LRATD2: variants seen among roughly 807,000 people sequenced by gnomAD.
The protein encoded by LRATD2 is protein LRATD2.
Under a neutral mutation model 12.0 loss-of-function variants are expected in LRATD2, and 10 were observed. The ratio of observed to expected loss-of-function variants is 0.83; its 90% CI spans 0.51 to 1.41. The LOEUF (loss-of-function observed/expected upper bound fraction) is 1.41, where lower values mean the gene tolerates loss of function less well. Ranked by LOEUF, LRATD2 falls within the 40% of genes most tolerant of loss-of-function variation. The pLI is 0.00. For synonymous variants in LRATD2, 220 were observed against 205.8 expected (o/e 1.07, Z -0.59); for missense variants, 455 against 446.1 (o/e 1.02, Z -0.18).
Position 126,553,886 on chromosome 8 carries a change from T to C in LRATD2, c.*2571A>G, listed in dbSNP as rs1586529731. Reference sequence around the variant, plus strand: ...CACTGCTCTCTCTTAACACAGTCGCTGCTATACTTCAGCGTGACTGACCAT... The same window carrying C: ...CACTGCTCTCTCTTAACACAGTCGCCGCTATACTTCAGCGTGACTGACCAT... On this transcript the variant is annotated 3_prime_UTR_variant, in exon 2 of 2. Coordinates refer to ENST00000304916, the MANE Select transcript of LRATD2 (RefSeq NM_174911.5). The C allele has an allele frequency of 6.6e-6, 1 of 152,382 alleles. No homozygotes were observed. Among genetic ancestry groups the C allele is most frequent in the East Asian group, 1.9e-4 (1 of 5,184 alleles). The allele number at this position is 152,382 out of a possible 1,614,324, so 9.4% of individuals were successfully genotyped here. A position where few individuals can be genotyped will look rare whatever the true frequency, so the allele number is the denominator to read the frequency against.
In LRATD2 at chr8:126,556,849, C is replaced by T; in HGVS notation, c.541G>A (p.Val181Met). 1 of 1,606,156 alleles carries T rather than the reference C, an allele frequency of 6.2e-7. No individual in the cohort carries two copies. The highest frequency in any genetic ancestry group is 8.5e-7 in the Non-Finnish European group (1 of 1,179,268). ...YRYKPLSSSAVVRNALAHVGA... is the reference protein window; with the variant it reads ...YRYKPLSSSAMVRNALAHVGA... ...ACGTGCGCCAGCGCGTTGCGCACCA[C>T]GGCGCTGGAGCTTAGCGGCTTGTAG... The change falls in exon 2 of 2, where the codon GTG becomes ATG. Residue 181 changes from valine to methionine, a missense_variant. Val to Met is a conservative substitution (Grantham distance 21). Transcript: ENST00000304916. This position sits in a 1 kb window ranked among gnomAD's most constrained non-coding sequence, Gnocchi z 5.6.
chr8:126,557,086 C>T lies in LRATD2; in HGVS notation c.304G>A (p.Ala102Thr). 1.2e-6 allele frequency: 2 copies of T among 1,611,080 alleles called. No homozygotes were observed. The highest frequency in any genetic ancestry group is 1.7e-6 in the Non-Finnish European group (2 of 1,179,998). ...TCGGGCGTGTAGGTACTCAGCGCCG[C>T]CGAGCCCGGCGCGAAGCTCTTCTGG... Reference protein sequence around the residue: ...IYQKSFAPGSAALSTYTPENL... With the variant: ...IYQKSFAPGSTALSTYTPENL... The change falls in exon 2 of 2, where the codon GCG (alanine) becomes ACG (threonine). Residue 102 changes from alanine to threonine, a missense_variant. Ala to Thr is a moderately conservative substitution (Grantham distance 58). Coordinates refer to ENST00000304916, the MANE Select transcript of LRATD2 (RefSeq NM_174911.5). The surrounding 1 kb of genome is among the most constrained non-coding windows in gnomAD (Gnocchi z 5.3).
In LRATD2 at chr8:126,558,348, C is replaced by A. The variant is rs1277441192; in HGVS notation, c.-411G>T. 2 of 152,238 alleles carry A rather than the reference C, an allele frequency of 1.3e-5. No homozygotes were observed. The highest frequency in any genetic ancestry group is 1.3e-4 in the Admixed American group (2 of 15,284). The allele number at this position is 152,238 out of a possible 1,614,324, so 9.4% of individuals were successfully genotyped here. ...CGCGAGGAGGAGAGGACGGCAGCCTCGCAGCCTGGCGGCAACAGCTCCCGC... is the reference window on the plus strand; with the variant it reads ...CGCGAGGAGGAGAGGACGGCAGCCTAGCAGCCTGGCGGCAACAGCTCCCGC... On this transcript the variant is annotated 5_prime_UTR_variant, in exon 1 of 2. Coordinates refer to ENST00000304916, the MANE Select transcript of LRATD2 (RefSeq NM_174911.5).
In LRATD2 at chr8:126,554,277, G is replaced by C. The variant is rs535508580; in HGVS notation, c.*2180C>G. The C allele has an allele frequency of 3.9e-5, 6 of 152,442 alleles. No individual in the cohort carries two copies. In the East Asian group the frequency reaches 1.2e-3, roughly 29 times the overall value. The allele number at this position is 152,442 out of a possible 1,614,324, so 9.4% of individuals were successfully genotyped here. A position where few individuals can be genotyped will look rare whatever the true frequency, so the allele number is the denominator to read the frequency against. On this transcript the variant is annotated 3_prime_UTR_variant, in exon 2 of 2. Transcript: ENST00000304916. ...CTGCCTCAGCCTCCCAAAGTGCTGG[G>C]ATTACAGGCATGAGCCACTGTGCCC...
At position 126,555,597 on chromosome 8, in the gene LRATD2, C is replaced by A. The variant is rs750759906; in HGVS notation, c.*860G>T. ...AAAGGGCTATTCCCTCCTTTCATAA[C>A]AACGCAGCTGTAAGTGCCTACAACA... is the stretch of plus-strand genomic sequence containing the variant. On this transcript the variant is annotated 3_prime_UTR_variant, in exon 2 of 2. Coordinates refer to ENST00000304916, the MANE Select transcript of LRATD2 (RefSeq NM_174911.5). The A allele has an allele frequency of 6.5e-6, 1 of 152,690 alleles. No individual in the cohort carries two copies. Among genetic ancestry groups the A allele is most frequent in the Non-Finnish European group, 1.5e-5 (1 of 68,088 alleles). 9.5% of individuals were successfully genotyped at this position (152,690 alleles called of 1,614,324 possible).
Position 126,552,833 on chromosome 8 carries a change from T to G in LRATD2, c.*3624A>C, listed in dbSNP as rs1293700256. ...TAGTTACTCTGATTTAAAAAACATTTCACAAATAAGATGTAGCTTTCCAAA... is the reference window on the plus strand; with the variant it reads ...TAGTTACTCTGATTTAAAAAACATTGCACAAATAAGATGTAGCTTTCCAAA... On this transcript the variant is annotated 3_prime_UTR_variant, in exon 2 of 2. Transcript: ENST00000304916. The G allele has an allele frequency of 6.6e-6, 1 of 152,606 alleles. No homozygotes were observed. The highest frequency in any genetic ancestry group is 1.5e-5 in the Non-Finnish European group (1 of 68,028). The allele number at this position is 152,606 out of a possible 1,614,324, so 9.5% of individuals were successfully genotyped here. A position where few individuals can be genotyped will look rare whatever the true frequency, so the allele number is the denominator to read the frequency against.
chr8:126,553,165 A>G lies in LRATD2; in HGVS notation c.*3292T>C, dbSNP rs1031436711. The G allele has an allele frequency of 2.6e-5, 4 of 152,268 alleles. No individual in the cohort carries two copies. The highest frequency in any genetic ancestry group is 9.6e-5 in the African/African-American group (4 of 41,462). The allele number at this position is 152,268 out of a possible 1,614,324, so 9.4% of individuals were successfully genotyped here. A position where few individuals can be genotyped will look rare whatever the true frequency, so the allele number is the denominator to read the frequency against. ...GACTTGTCATTTTTCATAAAAACTA[A>G]ACATTTCCTTATAGGTCTGGAGTAA... On this transcript the variant is annotated 3_prime_UTR_variant, in exon 2 of 2. Transcript: ENST00000304916.
chr8:126,553,754 A>G lies in LRATD2; in HGVS notation c.*2703T>C, dbSNP rs1563637660. On this transcript the variant is annotated 3_prime_UTR_variant, in exon 2 of 2. Coordinates refer to ENST00000304916, the MANE Select transcript of LRATD2 (RefSeq NM_174911.5). ...ATATTTCACACCTCTGGTACCCTGT[A>G]GAAACGCTTGTATTACATGGGAAAG... 1 of 152,232 alleles carries G rather than the reference A, an allele frequency of 6.6e-6. No individual in the cohort carries two copies. Among genetic ancestry groups the G allele is most frequent in the Non-Finnish European group, 1.5e-5 (1 of 68,040 alleles). 9.4% of individuals were successfully genotyped at this position (152,232 alleles called of 1,614,324 possible). A position where few individuals can be genotyped will look rare whatever the true frequency, so the allele number is the denominator to read the frequency against.
rs1817326151 is a variant in LRATD2, at chr8:126,553,640, T to C, written c.*2817A>G. The C allele has an allele frequency of 6.6e-6, 1 of 152,484 alleles. No homozygotes were observed. Among genetic ancestry groups the C allele is most frequent in the Non-Finnish European group, 1.5e-5 (1 of 68,052 alleles). 9.4% of individuals were successfully genotyped at this position (152,484 alleles called of 1,614,324 possible). On this transcript the variant is annotated 3_prime_UTR_variant, in exon 2 of 2. Coordinates refer to ENST00000304916, the MANE Select transcript of LRATD2 (RefSeq NM_174911.5). The stretch of plus-strand genomic sequence containing the variant: ...AGAACCAAGAGTTGATTCATTCCCC[T>C]TTCCTGGAGCTGTTACTAGTTGGTT...
chr8:126,556,562 C>T lies in LRATD2; in HGVS notation c.828G>A (p.Ala276=), dbSNP rs567614477. 2.5e-5 allele frequency: 40 copies of T among 1,607,792 alleles called. No homozygotes were observed. In the East Asian group the frequency reaches 3.6e-4, roughly 14 times the overall value. ...LQELATHLHP[A]EPEEGDSNVA... is the part of the protein sequence containing the mutation. Reference sequence around the variant, plus strand: ...CGTTGCTGTCGCCCTCCTCCGGCTCCGCCGGGTGCAGGTGCGTGGCGAGCT... The same window carrying T: ...CGTTGCTGTCGCCCTCCTCCGGCTCTGCCGGGTGCAGGTGCGTGGCGAGCT... The change falls in exon 2 of 2, where the codon GCG becomes GCA. Residue 276 remains alanine, a synonymous_variant. Transcript: ENST00000304916. The surrounding 1 kb of genome is among the most constrained non-coding windows in gnomAD (Gnocchi z 5.6).
In LRATD2 at chr8:126,556,426, C is replaced by T. The variant is rs1252224861; in HGVS notation, c.*31G>A. 2.0e-6 allele frequency: 3 copies of T among 1,521,684 alleles called. No individual in the cohort carries two copies. The highest frequency in any genetic ancestry group is 1.8e-6 in the Non-Finnish European group (2 of 1,139,900). The allele number at this position is 1,521,684 out of a possible 1,614,324, so 94.3% of individuals were successfully genotyped here. On this transcript the variant is annotated 3_prime_UTR_variant, in exon 2 of 2. Transcript: ENST00000304916. The surrounding 1 kb of genome is among the most constrained non-coding windows in gnomAD (Gnocchi z 5.6). ...GCAGCGGCTGCTACTGCAAACAGTT[C>T]CCCTTCGCAGCTCTGCGCTCAGCTC...
rs2130492533 is a variant in LRATD2, at chr8:126,557,614, G to A, written c.-96-129C>T. On this transcript the variant is annotated intron_variant, in intron 1 of 1. Transcript: ENST00000304916. This position sits in a 1 kb window ranked among gnomAD's most constrained non-coding sequence, Gnocchi z 5.3. Reference sequence around the variant, plus strand: ...TAGGGGGAAGTCTCGGGTGTAGCGAGCTTTCCCTCGTTTCTCCACCTGTAA... The same window carrying A: ...TAGGGGGAAGTCTCGGGTGTAGCGAACTTTCCCTCGTTTCTCCACCTGTAA... 1.7e-6 allele frequency: 1 copy of A among 572,358 alleles called. No homozygotes were observed. Among genetic ancestry groups the A allele is most frequent in the East Asian group, 3.1e-5 (1 of 32,706 alleles). 35.5% of individuals were successfully genotyped at this position (572,358 alleles called of 1,614,324 possible).
chr8:126,556,838 G>A lies in LRATD2; in HGVS notation c.552C>T (p.Asn184=). 4.4e-6 allele frequency: 7 copies of A among 1,605,002 alleles called. No homozygotes were observed. The highest frequency in any genetic ancestry group is 1.7e-4 in the Middle Eastern group (1 of 6,054). ...CCTTGGCACCCACGTGCGCCAGCGC[G>A]TTGCGCACCACGGCGCTGGAGCTTA... ...KPLSSSAVVR[N]ALAHVGAKER... Residue 184 remains asparagine, a synonymous_variant, in exon 2 of 2, where the codon AAC becomes AAT. Coordinates refer to ENST00000304916, the MANE Select transcript of LRATD2 (RefSeq NM_174911.5). This position sits in a 1 kb window ranked among gnomAD's most constrained non-coding sequence, Gnocchi z 5.6.
rs778047941 is a variant in LRATD2, at chr8:126,553,067, G to A, written c.*3390C>T. On this transcript the variant is annotated 3_prime_UTR_variant, in exon 2 of 2. Coordinates refer to ENST00000304916, the MANE Select transcript of LRATD2 (RefSeq NM_174911.5). ...ATTAAAGTTTTGCTTCCAAAAATAT[G>A]TTTCCATGTGGTCGTGGTGTTGTCC... 6.6e-6 allele frequency: 1 copy of A among 152,312 alleles called. No individual in the cohort carries two copies. The highest frequency in any genetic ancestry group is 1.5e-5 in the Non-Finnish European group (1 of 68,028). 9.4% of individuals were successfully genotyped at this position (152,312 alleles called of 1,614,324 possible).
Position 126,557,526 on chromosome 8 carries a change from T to C in LRATD2, c.-96-41A>G. ...GGCAAGAAAGCCATGCAGGAGCCCC[T>C]CCGTGAAAAGGGCGTTTTGTTCCGA... is the stretch of plus-strand genomic sequence containing the variant. On this transcript the variant is annotated intron_variant, in intron 1 of 1. Coordinates refer to ENST00000304916, the MANE Select transcript of LRATD2 (RefSeq NM_174911.5). This position sits in a 1 kb window ranked among gnomAD's most constrained non-coding sequence, Gnocchi z 5.3. 1 of 967,442 alleles carries C rather than the reference T, an allele frequency of 1.0e-6. No homozygotes were observed. Among genetic ancestry groups the C allele is most frequent in the Non-Finnish European group, 1.5e-6 (1 of 656,430 alleles). 59.9% of individuals were successfully genotyped at this position (967,442 alleles called of 1,614,324 possible). A position where few individuals can be genotyped will look rare whatever the true frequency, so the allele number is the denominator to read the frequency against.
Position 126,557,282 on chromosome 8 carries a change from G to A in LRATD2, c.108C>T (p.Tyr36=), listed in dbSNP as rs1342650834. 6.2e-7 allele frequency: 1 copy of A among 1,612,850 alleles called. No individual in the cohort carries two copies. Among genetic ancestry groups the A allele is most frequent in the Non-Finnish European group, 8.5e-7 (1 of 1,179,786 alleles). The change falls in exon 2 of 2, where the codon TAC becomes TAT. Residue 36 remains tyrosine, a synonymous_variant. Transcript: ENST00000304916. The surrounding 1 kb of genome is among the most constrained non-coding windows in gnomAD (Gnocchi z 5.3). ...RDDGPRIGVS[Y]IFSNDDEDVE... ...CGTCCTCATCGTCATTGGAGAAAAT[G>A]TAGGAGACCCCAATGCGGGGCCCGT...
chr8:126,557,237 A>G lies in LRATD2; in HGVS notation c.153T>C (p.Pro51=). ...GCAAGCCGCCGCCATCTGGCCCCTG[A>G]GGCGGCGGCTGCGGCTCCACGTCCT... ...DDEDVEPQPP[P]QGPDGGGLPD... The change falls in exon 2 of 2, where the codon CCT becomes CCC. Residue 51 remains proline (P), a synonymous_variant. Coordinates refer to ENST00000304916, the MANE Select transcript of LRATD2 (RefSeq NM_174911.5). The surrounding 1 kb of genome is among the most constrained non-coding windows in gnomAD (Gnocchi z 5.3). The G allele has an allele frequency of 6.2e-7, 1 of 1,603,808 alleles. No homozygotes were observed. The highest frequency in any genetic ancestry group is 8.5e-7 in the Non-Finnish European group (1 of 1,175,548).
At position 126,556,337 on chromosome 8, in the gene LRATD2, G is replaced by T; in HGVS notation, c.*120C>A. The T allele has an allele frequency of 8.3e-7, 1 of 1,200,414 alleles. No homozygotes were observed. The highest frequency in any genetic ancestry group is 1.1e-6 in the Non-Finnish European group (1 of 890,556). The allele number at this position is 1,200,414 out of a possible 1,614,324, so 74.4% of individuals were successfully genotyped here. On this transcript the variant is annotated 3_prime_UTR_variant, in exon 2 of 2. Coordinates refer to ENST00000304916, the MANE Select transcript of LRATD2 (RefSeq NM_174911.5). The surrounding 1 kb of genome is among the most constrained non-coding windows in gnomAD (Gnocchi z 5.6). ...CATTTCACCAACTCTTTTCCAAAGGGCCCAGGAATCCCAGATGGGGCCCAG... is the reference window on the plus strand; with the variant it reads ...CATTTCACCAACTCTTTTCCAAAGGTCCCAGGAATCCCAGATGGGGCCCAG...
rs1207762047 is a variant in LRATD2, at chr8:126,554,848, A to C, written c.*1609T>G. ...ACAACGACTCCCAAGAGAGGAAAAA[A>C]AAAAAAAGACGCCTCAAAATTCACT... On this transcript the variant is annotated 3_prime_UTR_variant, in exon 2 of 2. Transcript: ENST00000304916. The C allele has an allele frequency of 6.6e-6, 1 of 152,168 alleles. No individual in the cohort carries two copies. Among genetic ancestry groups the C allele is most frequent in the Non-Finnish European group, 1.5e-5 (1 of 68,028 alleles). The allele number at this position is 152,168 out of a possible 1,614,324, so 9.4% of individuals were successfully genotyped here. A position where few individuals can be genotyped will look rare whatever the true frequency, so the allele number is the denominator to read the frequency against.
Sources: allele counts gnomAD v4.1 joint callset, GRCh38; gene constraint gnomAD v4.1.1; non-coding constraint Gnocchi (gnomAD v3.1); transcripts MANE v1.5; gene names NCBI Gene and HGNC (gene_info 2026-07-23, HGNC 2026-07-21).